KDM2B: variants seen among roughly 807,000 people sequenced by gnomAD.
KDM2B encodes the protein lysine demethylase 2B.
Under a neutral mutation model 150.0 loss-of-function variants are expected in KDM2B, and 26 were observed. The ratio of observed to expected loss-of-function variants is 0.17; its 90% CI spans 0.13 to 0.24. The LOEUF (loss-of-function observed/expected upper bound fraction) is 0.24. Among genes scored for constraint, KDM2B ranks in the 10% least tolerant of loss-of-function variants. The probability of loss-of-function intolerance (pLI) is 1.00; values close to 1 mark genes in which losing one functional copy is unlikely to be tolerated. For synonymous variants in KDM2B, 734 were observed against 729.5 expected (o/e 1.01, Z -0.10); for missense variants, 1,265 against 1,816.9 (o/e 0.70, Z 5.52).
At chr12:121,479,467 A>AG (rs1881831620) in intron 12 of KDM2B, among the ~76,000 whole-genome samples, 1 of 14,886 alleles carries the variant, frequency 6.7e-5, no homozygotes, top group Non-Finnish European at 1.2e-4. Context: ...ACCCTGTCTC[A>AG]AAAAAAAAAA....
intron 22 of KDM2B, among the ~76,000 whole-genome samples, chr12:121,432,566 TCA>T (rs1163860579): frequency 6.6e-6 from 1 of 152,214 alleles, no homozygotes; most frequent in Non-Finnish European, 1.5e-5. Flanking sequence ...TGTCCCACAT[TCA>T]CACTTGTCAT....
At chr12:121,432,413 CTTTTCAT>C (rs1409243699) in intron 22 of KDM2B, among the ~76,000 whole-genome samples, 2 of 152,094 alleles carry the variant, frequency 1.3e-5, no homozygotes, top group African/African-American at 4.8e-5. Context: ...TTTTCATATA[CTTTTCAT>C]TTTTCATTAT....
chr12:121,425,507 A>G (rs1456633976), downstream of KDM2B, among the ~76,000 whole-genome samples: 1 of 152,154 alleles, frequency 6.6e-6, no homozygotes, highest in Non-Finnish European at 1.5e-5. Flanking sequence ...GGTGCTCAGA[A>G]TTTATTAGTC....
intron 12 of KDM2B, among the ~76,000 whole-genome samples, chr12:121,457,544 G>A (rs1878453891): frequency 6.6e-6 from 1 of 152,054 alleles, no homozygotes; most frequent in South Asian, 2.1e-4. Flanking sequence ...TTACAGGCAT[G>A]AGTCACTGTG....
chr12:121,419,785 C>CT, the KDM2B span: 1 of 155,334 alleles, frequency 6.4e-6, no homozygotes, highest in Non-Finnish European at 1.4e-5. Flanking sequence ...ATTAGATTGT[C>CT]TAAGTACGCT....
rs61509046 is a variant in KDM2B at position 121,478,866 on chromosome 12, T to TTGTTTGTGTGTGTG, written c.1734+15712_1734+15713insCACACACACAAACA. On this transcript the variant is annotated intron_variant, in intron 12 of 22. Transcript: ENST00000377071. ...CCACAACCGGCTAATTTTTGTTTGT[T>TTGTTTGTGTGTGTG]TGTGTGTGTGTGTGTGTGTGTGTGT... 6.9e-3 allele frequency among the ~76,000 whole-genome samples: 904 copies of TTGTTTGTGTGTGTG among 131,202 alleles called. 6 individuals carry two copies. The highest frequency in any genetic ancestry group is 0.021 in the African/African-American group (741 of 34,792). 86.1% of individuals were successfully genotyped at this position (131,202 alleles called of 152,430 possible).
At chr12:121,571,861 C>T (rs1428691366) in intron 4 of KDM2B, among the ~76,000 whole-genome samples, 1 of 151,806 alleles carries the variant, frequency 6.6e-6, no homozygotes, top group Admixed American at 6.6e-5. Context: ...CCATGTTGGC[C>T]AGGCTGGTCT....
intron 12 of KDM2B, among the ~76,000 whole-genome samples, chr12:121,477,928 G>A (rs1485745837): frequency 6.6e-6 from 1 of 150,978 alleles, no homozygotes; most frequent in African/African-American, 2.4e-5. Context: ...TTTTTATGGA[G>A]ACGGGGATCT....
At chr12:121,464,040 A>AT (rs1241071740) in intron 12 of KDM2B, among the ~76,000 whole-genome samples, 1 of 152,174 alleles carries the variant, frequency 6.6e-6, no homozygotes, top group Admixed American at 6.5e-5. Context: ...CCTGGGCAAC[A>AT]TATCAAGACC....
intron 13 of KDM2B, among the ~76,000 whole-genome samples, chr12:121,448,318 T>TAAAA (rs1876638496): frequency 2.0e-5 from 1 of 50,546 alleles, no homozygotes; most frequent in Non-Finnish European, 3.0e-5. Context: ...AGACTCTGTC[T>TAAAA]CAAAAAAAAA....
intron 11 of KDM2B, among the ~76,000 whole-genome samples, chr12:121,506,367 G>A (rs1885069082): frequency 6.6e-6 from 1 of 152,006 alleles, no homozygotes; most frequent in Non-Finnish European, 1.5e-5. Flanking sequence ...AAACTCTCCT[G>A]TTCTGGAAGA....
At chr12:121,441,271 G>A in intron 19 of KDM2B, 38 bp from the exon 20 acceptor site, 1 of 1,603,984 alleles carries the variant, frequency 6.2e-7, no homozygotes, top group Non-Finnish European at 8.5e-7. Context: ...CGTCAGAGGT[G>A]GGGCTCCTCT....
chr12:121,420,298 GGATGAT>G, the KDM2B span: 1 of 1,584,958 alleles, frequency 6.3e-7, no homozygotes, highest in Non-Finnish European at 8.6e-7. Context: ...ACGATGATGA[GGATGAT>G]GATGATGAAG....
At chr12:121,550,818 C>A (rs1245652542) in intron 4 of KDM2B, among the ~76,000 whole-genome samples, 1 of 151,996 alleles carries the variant, frequency 6.6e-6, no homozygotes, top group Non-Finnish European at 1.5e-5. Flanking sequence ...CCTACAATAG[C>A]CATACGTTTT....
the KDM2B span, chr12:121,418,316 GC>G: frequency 6.1e-6 from 1 of 164,828 alleles, no homozygotes; most frequent in African/African-American, 2.4e-5. Context: ...CATTTGTCTT[GC>G]TACAGTGAAA....
rs781940984 is a variant in KDM2B, at chr12:121,453,270, C to T, written c.1809G>A (p.Thr603=). 3.2e-5 allele frequency: 51 copies of T among 1,607,886 alleles called. No individual in the cohort carries two copies. The East Asian group carries it at 9.8e-4, about 31-fold the overall frequency. The change falls in exon 13 of 23, where the codon ACG becomes ACA. Residue 603 remains threonine, a synonymous_variant. Coordinates refer to ENST00000377071, the MANE Select transcript of KDM2B (RefSeq NM_032590.5). This position sits in a 1 kb window ranked among gnomAD's most constrained non-coding sequence, Gnocchi z 6.4. ...SAVKLAANRT[T]AGARRRRTRC... ...GCGTCCGGCGCCGCCGAGCTCCTGC[C>T]GTTGTCCGGTTGGCGGCCAACTTCA...
chr12:121,512,679 G>A (rs781819477), intron 10 of KDM2B, among the ~76,000 whole-genome samples: 24 of 152,152 alleles, frequency 1.6e-4, no homozygotes, highest in Non-Finnish European at 2.6e-4. Context: ...ACTTCAGGGC[G>A]GGCGTCTGTG....
At chr12:121,578,716 A>C in intron 2 of KDM2B, 86 bp downstream of exon 2, 1 of 983,930 alleles carries the variant, frequency 1.0e-6, no homozygotes, top group Non-Finnish European at 1.2e-6. Flanking sequence ...CGCGGGCGCG[A>C]AATACGAACC....
intron 6 of KDM2B, among the ~76,000 whole-genome samples, chr12:121,547,635 C>T (rs1216073658): frequency 2.1e-5 from 3 of 144,174 alleles, no homozygotes; most frequent in African/African-American, 7.6e-5. Context: ...CCTGTGTCTC[C>T]TTCCCCTTCC....
Sources: allele counts gnomAD v4.1 joint callset (sites outside exome capture counted in the v4.1 genomes callset), GRCh38; gene constraint gnomAD v4.1.1; non-coding constraint Gnocchi (gnomAD v3.1); transcripts MANE v1.5; gene names NCBI Gene and HGNC (gene_info 2026-07-23, HGNC 2026-07-21).